ZFHX3: variants seen among roughly 807,000 people sequenced by gnomAD.
The protein encoded by ZFHX3 is zinc finger homeobox protein 3.
In ZFHX3, 42 loss-of-function variants were observed where a neutral mutation model predicts 279.1. The observed-to-expected ratio is 0.15, with a 90% confidence interval of 0.12 to 0.19. The LOEUF is 0.19. Among genes scored for constraint, ZFHX3 ranks in the 10% least tolerant of loss-of-function variants. The probability of loss-of-function intolerance (pLI) is 1.00; values close to 1 mark genes in which losing one functional copy is unlikely to be tolerated. For synonymous variants in ZFHX3, 2,293 were observed against 1,957.8 expected, an observed-to-expected ratio of 1.17 and a Z score of -4.52; for missense variants, 4,981 against 4,754.0, an observed-to-expected ratio of 1.05 and a Z score of -1.40.
chr16:73,625,842 A>G (rs1410367264), intron 2 of ZFHX3, among the ~76,000 whole-genome samples: 4 of 151,986 alleles, frequency 2.6e-5, no homozygotes, highest in East Asian at 1.9e-4. Context: ...CTGTGAAATA[A>G]AATTCTTTTC....
intron 2 of ZFHX3, among the ~76,000 whole-genome samples, chr16:73,652,260 C>A (rs1480520996): frequency 2.0e-5 from 3 of 152,092 alleles, no homozygotes; most frequent in African/African-American, 7.2e-5. Flanking sequence ...CCACTCGTAC[C>A]AAGGAGAGAA....
chr16:73,751,305 G>A (rs1492560), intron 1 of ZFHX3, among the ~76,000 whole-genome samples: 109,276 of 152,098 alleles, frequency 0.72, 39,989 homozygotes, highest in African/African-American at 0.79. Flanking sequence ...GTTTTGAATA[G>A]ATAATATAGA....
intron 3 of ZFHX3, among the ~76,000 whole-genome samples, chr16:72,929,216 C>T (rs1442628536): frequency 2.1e-5 from 3 of 145,538 alleles, no homozygotes; most frequent in African/African-American, 5.1e-5. Flanking sequence ...CCAGCCTGGG[C>T]GACAGAGCCG....
At position 73,106,749 on chromosome 16, in the gene ZFHX3, T is replaced by C. The variant is rs971658292; in HGVS notation, c.-896-13151A>G. ...GAAGCCCTGCCTTAGAAAGTTTAAGTAATCAAAACATTTGTCAACTATCAA... is the reference window on the plus strand; with the variant it reads ...GAAGCCCTGCCTTAGAAAGTTTAAGCAATCAAAACATTTGTCAACTATCAA... On this transcript the variant is annotated intron_variant, in intron 7 of 17. Coordinates refer to the ZFHX3 transcript ENST00000641206. 2.6e-5 allele frequency among the ~76,000 whole-genome samples: 4 copies of C among 152,286 alleles called. No individual in the cohort carries two copies. In the South Asian group the frequency reaches 6.2e-4, roughly 24 times the overall value.
chr16:73,703,033 A>T (rs1454184098), intron 1 of ZFHX3, among the ~76,000 whole-genome samples: 2 of 152,210 alleles, frequency 1.3e-5, no homozygotes, highest in Non-Finnish European at 2.9e-5. Flanking sequence ...AGCTGAGAGC[A>T]AACAGAAAAC....
intron 3 of ZFHX3, among the ~76,000 whole-genome samples, chr16:73,430,002 C>G (rs1005729804): frequency 6.6e-6 from 1 of 152,184 alleles, no homozygotes. Context: ...ATCCTCCTGC[C>G]TCAGCCTCCC....
intron 3 of ZFHX3, among the ~76,000 whole-genome samples, chr16:73,450,505 C>T (rs1453050677): frequency 3.3e-5 from 5 of 151,990 alleles, no homozygotes; most frequent in Non-Finnish European, 5.9e-5. Context: ...GCTTTTAACA[C>T]GTGTTTGTGG....
intron 3 of ZFHX3, among the ~76,000 whole-genome samples, chr16:73,355,820 C>G (rs1007312214): frequency 1.3e-5 from 2 of 152,122 alleles, no homozygotes; most frequent in South Asian, 4.1e-4. Flanking sequence ...TCCAACAGAG[C>G]GCGACGGTAC....
At chr16:73,356,372 T>A (rs532150445) in intron 3 of ZFHX3, among the ~76,000 whole-genome samples, 1 of 151,274 alleles carries the variant, frequency 6.6e-6, no homozygotes, top group South Asian at 2.1e-4. Flanking sequence ...TTCCTCTTCA[T>A]AATTTTATCA....
At chr16:73,872,327 C>T (rs1323160585) in intron 1 of ZFHX3, among the ~76,000 whole-genome samples, 1 of 152,126 alleles carries the variant, frequency 6.6e-6, no homozygotes, top group Non-Finnish European at 1.5e-5. Context: ...CTGCAGCCTC[C>T]ACCTCCCAGG....
At position 73,038,168 on chromosome 16, in the gene ZFHX3, C is replaced by G. The variant is rs137954737; in HGVS notation, c.-50+9584G>C. 5.9e-5 allele frequency among the ~76,000 whole-genome samples: 9 copies of G among 152,270 alleles called. No homozygotes were observed. In the East Asian group the frequency reaches 1.3e-3, roughly 23 times the overall value. ...AAGGGACCTTGTACACAAAATTAAC[C>G]TGAAGCATTAGTCTGTGTGGTGCGA... On this transcript the variant is annotated intron_variant, in intron 1 of 9. Transcript: ENST00000268489.
intron 1 of ZFHX3, among the ~76,000 whole-genome samples, chr16:73,785,723 A>G (rs1959622743): frequency 6.6e-6 from 1 of 152,218 alleles, no homozygotes; most frequent in Non-Finnish European, 1.5e-5. Flanking sequence ...AACATTTATT[A>G]TCTTCTCATT....
chr16:73,027,641 T>C (rs1964559967), intron 1 of ZFHX3, among the ~76,000 whole-genome samples: 1 of 152,016 alleles, frequency 6.6e-6, no homozygotes, highest in Non-Finnish European at 1.5e-5. Flanking sequence ...TTAGGGAAAA[T>C]GACACCCTCT....
At chr16:72,876,366 C>T (rs1392737755) in intron 4 of ZFHX3, among the ~76,000 whole-genome samples, 12 of 152,098 alleles carry the variant, frequency 7.9e-5, no homozygotes, top group Admixed American at 7.9e-4. Context: ...CATGAAAGCT[C>T]TGAGCTCCCA....
At chr16:73,641,673 A>G (rs2052574195) in intron 2 of ZFHX3, among the ~76,000 whole-genome samples, 1 of 152,144 alleles carries the variant, frequency 6.6e-6, no homozygotes, top group Non-Finnish European at 1.5e-5. Flanking sequence ...AAATGGACAC[A>G]ATAAGTAAAA....
At chr16:73,775,727 T>C (rs1166107085) in intron 1 of ZFHX3, among the ~76,000 whole-genome samples, 3 of 152,124 alleles carry the variant, frequency 2.0e-5, no homozygotes, top group Non-Finnish European at 4.4e-5. Context: ...CCTTAGAAAT[T>C]TGTAAAAGGC....
chr16:73,444,139 C>T (rs2018141849), intron 3 of ZFHX3, among the ~76,000 whole-genome samples: 1 of 152,130 alleles, frequency 6.6e-6, no homozygotes, highest in Admixed American at 6.5e-5. Flanking sequence ...AGCTTTTCCT[C>T]AATAAAATAT....
At chr16:73,324,817 G>A (rs1459205645) in intron 3 of ZFHX3, among the ~76,000 whole-genome samples, 2 of 152,152 alleles carry the variant, frequency 1.3e-5, no homozygotes, top group Non-Finnish European at 2.9e-5. Flanking sequence ...AGAATTTCTA[G>A]GCCCTGGGTG....
At chr16:73,414,052 A>T (rs1597325491) in intron 3 of ZFHX3, among the ~76,000 whole-genome samples, 1 of 152,250 alleles carries the variant, frequency 6.6e-6, no homozygotes, top group African/African-American at 2.4e-5. Flanking sequence ...AAACTGTTTA[A>T]CCTTTCGCAG....
Sources: allele counts gnomAD v4.1 joint callset (sites outside exome capture counted in the v4.1 genomes callset), GRCh38; gene constraint gnomAD v4.1.1; transcripts MANE v1.5; gene names NCBI Gene and HGNC (gene_info 2026-07-23, HGNC 2026-07-21).